Variants in SNX29 observed in about 807,000 individuals in gnomAD.
SNX29 encodes the protein sorting nexin-29.
Under a neutral mutation model 102.1 loss-of-function variants are expected in SNX29, and 78 were observed. That is an observed-to-expected ratio of 0.76 (90% CI 0.64 to 0.92). SNX29 has a LOEUF of 0.92. SNX29 is among the 40% of genes least tolerant of loss of function. The probability of loss-of-function intolerance (pLI) is 0.00; values close to 1 mark genes in which losing one functional copy is unlikely to be tolerated. For missense variants in SNX29, 1,280 were observed against 1,061.7 expected, an observed-to-expected ratio of 1.21 and a Z score of -2.86; for synonymous variants, 580 against 414.5, an observed-to-expected ratio of 1.40 and a Z score of -4.85.
At chr16:12,020,135 T>C (rs1177284783) in intron 3 of SNX29, among the ~76,000 whole-genome samples, 1 of 152,090 alleles carries the variant, frequency 6.6e-6, no homozygotes, top group Non-Finnish European at 1.5e-5. Flanking sequence ...AACTTTTTTT[T>C]TTTTTAAGAC....
chr16:12,396,481 C>T (rs8043724), intron 16 of SNX29, among the ~76,000 whole-genome samples: 82,267 of 151,880 alleles, frequency 0.54, 22,958 homozygotes, highest in East Asian at 0.63. Context: ...TCTGGTCTGC[C>T]CACTTGATCC....
At chr16:12,534,562 A>C (rs1024770871) in intron 20 of SNX29, among the ~76,000 whole-genome samples, 1 of 152,232 alleles carries the variant, frequency 6.6e-6, no homozygotes, top group Non-Finnish European at 1.5e-5. Context: ...AATTGGTCAC[A>C]GGTTATTAGG....
At chr16:12,537,347 G>T (rs2077122057) in intron 20 of SNX29, among the ~76,000 whole-genome samples, 1 of 152,184 alleles carries the variant, frequency 6.6e-6, no homozygotes, top group Non-Finnish European at 1.5e-5. Context: ...ATTCCTACAG[G>T]AGCTCATTGG....
chr16:12,236,104 T>C (rs2077924320), intron 14 of SNX29, among the ~76,000 whole-genome samples: 1 of 152,202 alleles, frequency 6.6e-6, no homozygotes, highest in African/African-American at 2.4e-5. Flanking sequence ...TACGTACTTA[T>C]TTCCCAATAC....
intron 20 of SNX29, among the ~76,000 whole-genome samples, chr16:12,543,047 C>T (rs1011652030): frequency 2.0e-5 from 3 of 152,186 alleles, no homozygotes; most frequent in East Asian, 1.9e-4. Flanking sequence ...CAAAAAGTGT[C>T]ACCAGGACCC....
intron 15 of SNX29, among the ~76,000 whole-genome samples, chr16:12,343,557 C>T (rs1216306989): frequency 6.6e-6 from 1 of 152,180 alleles, no homozygotes; most frequent in Non-Finnish European, 1.5e-5. Context: ...TGACCTCTTC[C>T]TGCCTTTGGC....
At chr16:12,234,205 G>A (rs561631543) in intron 14 of SNX29, among the ~76,000 whole-genome samples, 1 of 152,070 alleles carries the variant, frequency 6.6e-6, no homozygotes, top group Admixed American at 6.6e-5. Context: ...CCAAACACTT[G>A]TTATTGTCTG....
intron 16 of SNX29, among the ~76,000 whole-genome samples, chr16:12,357,726 A>G (rs2082179820): frequency 6.6e-6 from 1 of 151,960 alleles, no homozygotes. Flanking sequence ...CTTGGCGACC[A>G]TTCTACTTTG....
chr16:12,311,897 C>T (rs2080566933), intron 15 of SNX29, among the ~76,000 whole-genome samples: 2 of 152,172 alleles, frequency 1.3e-5, no homozygotes, highest in African/African-American at 4.8e-5. Context: ...TCTATCTTTG[C>T]ATAAAAGTAT....
chr16:12,140,537 G>A (rs550097218), intron 13 of SNX29, among the ~76,000 whole-genome samples: 1 of 152,308 alleles, frequency 6.6e-6, no homozygotes, highest in East Asian at 1.9e-4. Flanking sequence ...GGGGGTGCAT[G>A]CGGTGAGGTG....
chr16:12,233,108 T>C (rs1029024545), intron 14 of SNX29, among the ~76,000 whole-genome samples: 1 of 151,036 alleles, frequency 6.6e-6, no homozygotes, highest in Non-Finnish European at 1.5e-5. Flanking sequence ...TCTTTGTCTT[T>C]GTCTTCCTCC....
At chr16:12,487,692 C>G (rs988109717) in intron 19 of SNX29, among the ~76,000 whole-genome samples, 1 of 152,076 alleles carries the variant, frequency 6.6e-6, no homozygotes, top group African/African-American at 2.4e-5. Flanking sequence ...TGGTGGGACT[C>G]CCCCCACCTG....
intron 4 of SNX29, among the ~76,000 whole-genome samples, chr16:12,033,236 C>G (rs2057391058): frequency 6.6e-6 from 1 of 151,860 alleles, no homozygotes; most frequent in African/African-American, 2.4e-5. Flanking sequence ...TTACCACCCC[C>G]TTTTTTCATA....
intron 16 of SNX29, among the ~76,000 whole-genome samples, chr16:12,394,406 A>G (rs1567518581): frequency 1.3e-5 from 2 of 152,330 alleles, no homozygotes; most frequent in Non-Finnish European, 2.9e-5. Context: ...CACCTATGCT[A>G]CTTACTACCT....
At chr16:12,274,661 C>T (rs1206592513) in intron 14 of SNX29, among the ~76,000 whole-genome samples, 3 of 151,874 alleles carry the variant, frequency 2.0e-5, no homozygotes, top group African/African-American at 4.8e-5. Context: ...CTCAGCCTCC[C>T]GAGTACCTGG....
intron 20 of SNX29, among the ~76,000 whole-genome samples, chr16:12,560,118 C>G (rs1010014397): frequency 2.6e-5 from 4 of 151,050 alleles, no homozygotes; most frequent in East Asian, 4.0e-4. Context: ...ACAAGCTATT[C>G]TAGTTCTGTG....
intron 19 of SNX29, among the ~76,000 whole-genome samples, chr16:12,516,746 G>A (rs2089884140): frequency 6.6e-6 from 1 of 152,170 alleles, no homozygotes; most frequent in African/African-American, 2.4e-5. Context: ...ACCTCTGTCT[G>A]TCACGTAGCT....
chr16:12,407,875 G>C (rs1190441413), intron 18 of SNX29, among the ~76,000 whole-genome samples: 1 of 152,232 alleles, frequency 6.6e-6, no homozygotes. Flanking sequence ...AGCAGCTCCA[G>C]AGGCTGAGAT....
chr16:12,471,304 C>G (rs565913439), intron 18 of SNX29, among the ~76,000 whole-genome samples: 1 of 152,166 alleles, frequency 6.6e-6, no homozygotes, highest in East Asian at 1.9e-4. Flanking sequence ...ATGTTGACTG[C>G]TTGGTGGTTA....
Sources: gnomAD v4.1 joint callset for allele counts (sites outside exome capture counted in the v4.1 genomes callset) on GRCh38, gnomAD v4.1.1 for gene constraint, MANE v1.5 for transcripts, NCBI Gene and HGNC (gene_info 2026-07-23, HGNC 2026-07-21) for gene names.